Variants in ADK observed in about 807,000 individuals in gnomAD.
The protein encoded by ADK is adenosine kinase, also known as N6,N6-dimethyladenosine kinase.
Under a neutral mutation model 44.7 loss-of-function variants are expected in ADK, and 24 were observed. The ratio of observed to expected loss-of-function variants is 0.54; its 90% CI spans 0.39 to 0.76. ADK has a LOEUF of 0.76. ADK is among the 30% of genes least tolerant of loss of function. ADK has a pLI of 0.00. For synonymous variants in ADK, 128 were observed against 142.6 expected (o/e 0.90, Z 0.73); for missense variants, 321 against 425.1 (o/e 0.76, Z 2.15).
At chr10:74,523,314 A>G (rs1848913234) in intron 6 of ADK, among the ~76,000 whole-genome samples, 2 of 152,176 alleles carry the variant, frequency 1.3e-5, no homozygotes, top group South Asian at 4.1e-4. Context: ...TTTAACAACT[A>G]CTTCTACCAT....
chr10:74,703,987 C>A (rs1856518287), intron 10 of ADK, among the ~76,000 whole-genome samples: 1 of 152,042 alleles, frequency 6.6e-6, no homozygotes, highest in African/African-American at 2.4e-5. Flanking sequence ...ATTTGGAATC[C>A]TTTTCAAATA....
At position 74,534,520 on chromosome 10, in the gene ADK, A is replaced by C. The variant is rs118176039; in HGVS notation, c.726+9094A>C. 1.6e-4 allele frequency among the ~76,000 whole-genome samples: 25 copies of C among 152,328 alleles called. No individual in the cohort carries two copies. The East Asian group carries it at 4.8e-3, about 29-fold the overall frequency. ...ATAGTCCTGGGTTCTAATCATGACA[A>C]CTAAAAATTATCATAACCTACCATT... On this transcript the variant is annotated intron_variant, in intron 7 of 10. Coordinates refer to ENST00000539909, the MANE Select transcript of ADK (RefSeq NM_006721.4).
At chr10:74,249,571 A>G (rs1845570861) in intron 3 of ADK, among the ~76,000 whole-genome samples, 1 of 152,310 alleles carries the variant, frequency 6.6e-6, no homozygotes, top group South Asian at 2.1e-4. Flanking sequence ...CATAGGTCTT[A>G]CAAAGTTCAA....
At chr10:74,181,246 G>T (rs770638182) in intron 1 of ADK, among the ~76,000 whole-genome samples, 1 of 151,520 alleles carries the variant, frequency 6.6e-6, no homozygotes, top group Non-Finnish European at 1.5e-5. Context: ...TTTTTTTTTG[G>T]GGGGGGTCTC....
At chr10:74,260,415 A>G (rs192393682) in intron 3 of ADK, among the ~76,000 whole-genome samples, 156 of 152,290 alleles carry the variant, frequency 1.0e-3, no homozygotes, top group African/African-American at 3.5e-3. Flanking sequence ...GACTACAGGC[A>G]TGCACCACTC....
chr10:74,534,586 G>A (rs149607730), intron 7 of ADK, among the ~76,000 whole-genome samples: 184 of 152,276 alleles, frequency 1.2e-3, no homozygotes, highest in African/African-American at 3.4e-3. Context: ...CACAAAAACC[G>A]TCATTTAATC....
intron 6 of ADK, among the ~76,000 whole-genome samples, chr10:74,437,652 T>G (rs1446087822): frequency 2.0e-5 from 3 of 152,244 alleles, no homozygotes; most frequent in Non-Finnish European, 4.4e-5. Context: ...GTCTCCTGAC[T>G]GATCTCCTTC....
At chr10:74,176,431 G>A (rs1454566609) in intron 1 of ADK, 5 of 1,049,014 alleles carry the variant, frequency 4.8e-6, no homozygotes, top group African/African-American at 3.4e-5. Context: ...GTTACAGGGA[G>A]CTGAGCTTGC....
intron 3 of ADK, among the ~76,000 whole-genome samples, chr10:74,257,806 C>T (rs983748266): frequency 2.0e-5 from 3 of 152,008 alleles, no homozygotes; most frequent in Middle Eastern, 3.2e-3. Flanking sequence ...TGTAAATAAA[C>T]GATTAGCAAT....
At chr10:74,539,184 TTTTA>T (rs976119657) in intron 7 of ADK, among the ~76,000 whole-genome samples, 1 of 152,192 alleles carries the variant, frequency 6.6e-6, no homozygotes, top group Non-Finnish European at 1.5e-5. Flanking sequence ...AGTCTAGTTC[TTTTA>T]TTTATTTATT....
intron 3 of ADK, among the ~76,000 whole-genome samples, chr10:74,254,541 A>G (rs903214075): frequency 1.3e-5 from 2 of 152,070 alleles, no homozygotes; most frequent in African/African-American, 4.8e-5. Flanking sequence ...TTTGATTAAA[A>G]TGTTTCATAT....
chr10:74,697,615 A>G (rs1856254506), intron 10 of ADK, among the ~76,000 whole-genome samples: 1 of 152,250 alleles, frequency 6.6e-6, no homozygotes, highest in Non-Finnish European at 1.5e-5. Flanking sequence ...TTAAGGAACT[A>G]TAAATAGAAA....
At chr10:74,151,471 TC>T (rs1564562274) in intron 1 of ADK, 128 bp downstream of exon 1, 2 of 1,017,872 alleles carry the variant, frequency 2.0e-6, no homozygotes, top group African/African-American at 1.6e-5. Context: ...ACGCAGGACC[TC>T]CCCCAGCTGC....
Position 74,341,549 on chromosome 10 carries a change from T to C in ADK, c.273+26804T>C, listed in dbSNP as rs536643298. Among the ~76,000 whole-genome samples the C allele has an allele frequency of 1.3e-3, 201 of 150,388 alleles. 1 individual carries two copies. Among genetic ancestry groups the C allele is most frequent in the Admixed American group, 3.4e-3 (51 of 15,098 alleles). On this transcript the variant is annotated intron_variant, in intron 4 of 10. Transcript: ENST00000539909. ...TCTCAAAAAAAAAAAAAAAAAAGGA[T>C]TTTTGCAATCATTAACTTACTTCTT...
intron 6 of ADK, among the ~76,000 whole-genome samples, chr10:74,459,875 C>T (rs1846107002): frequency 6.6e-6 from 1 of 151,578 alleles, no homozygotes; most frequent in Non-Finnish European, 1.5e-5. Flanking sequence ...TGGTTCTTTC[C>T]TGTCTCCCAA....
At chr10:74,469,539 T>C (rs1220673739) in intron 6 of ADK, among the ~76,000 whole-genome samples, 2 of 152,024 alleles carry the variant, frequency 1.3e-5, no homozygotes. Context: ...ATTTTAAAAA[T>C]TTTTTGTAGA....
intron 10 of ADK, among the ~76,000 whole-genome samples, chr10:74,696,750 C>T (rs1397083731): frequency 6.6e-6 from 1 of 152,020 alleles, no homozygotes; most frequent in Non-Finnish European, 1.5e-5. Context: ...ACATTTTCTG[C>T]AGTTATTGGG....
At chr10:74,393,059 A>G (rs1843391965) in intron 4 of ADK, among the ~76,000 whole-genome samples, 1 of 152,176 alleles carries the variant, frequency 6.6e-6, no homozygotes, top group African/African-American at 2.4e-5. Flanking sequence ...ATGAGTCTGT[A>G]GAAGTGGGAT....
chr10:74,477,583 C>T (rs1846902947), intron 6 of ADK, among the ~76,000 whole-genome samples: 1 of 151,888 alleles, frequency 6.6e-6, no homozygotes, highest in Non-Finnish European at 1.5e-5. Flanking sequence ...TTTTTCTTTC[C>T]CTTAGTGTTT....
Sources: allele counts gnomAD v4.1 joint callset (sites outside exome capture counted in the v4.1 genomes callset), GRCh38; gene constraint gnomAD v4.1.1; transcripts MANE v1.5; gene names NCBI Gene and HGNC (gene_info 2026-07-23, HGNC 2026-07-21).